The following DAB1 variants were observed in gnomAD, a reference collection of about 807,000 sequenced individuals.
DAB1 encodes disabled homolog 1.
Under a neutral mutation model 64.6 loss-of-function variants are expected in DAB1, and 15 were observed. The ratio of observed to expected loss-of-function variants is 0.23; its 90% CI spans 0.16 to 0.36. The LOEUF is 0.36. Ranked by LOEUF, DAB1 falls within the 10% of genes least tolerant of loss-of-function variation. The pLI is 1.00. For missense variants in DAB1, 596 were observed against 706.7 expected, an observed-to-expected ratio of 0.84 and a Z score of 1.78; for synonymous variants, 235 against 251.9, an observed-to-expected ratio of 0.93 and a Z score of 0.64.
chr1:57,714,301 T>C lies in DAB1; in HGVS notation n.552-64636A>G, dbSNP rs142043978. Among the ~76,000 whole-genome samples the C allele has an allele frequency of 2.6e-5, 4 of 152,226 alleles. No homozygotes were observed. In the East Asian group the frequency reaches 7.7e-4, roughly 29 times the overall value. Reference sequence around the variant, plus strand: ...ATCTTAACCAATGTCACATAGCTAGTAAATGGCAGAGGTGGGATGTGAACC... The same window carrying C: ...ATCTTAACCAATGTCACATAGCTAGCAAATGGCAGAGGTGGGATGTGAACC... On this transcript the variant is annotated intron_variant and non_coding_transcript_variant, in intron 6 of 20. Coordinates refer to the DAB1 transcript ENST00000485760.
chr1:57,049,659 C>T (rs549614407), intron 9 of DAB1, among the ~76,000 whole-genome samples: 1 of 152,052 alleles, frequency 6.6e-6, no homozygotes, highest in East Asian at 1.9e-4. Context: ...TTTTCATCTG[C>T]AATGCCTGCC....
chr1:57,528,697 G>A (rs1253484788), intron 7 of DAB1, among the ~76,000 whole-genome samples: 1 of 150,904 alleles, frequency 6.6e-6, no homozygotes, highest in African/African-American at 2.4e-5. Context: ...ACATAAGTGG[G>A]AAACATAGTA....
At chr1:58,212,174 C>T (rs1658589947) in intron 4 of DAB1, among the ~76,000 whole-genome samples, 2 of 152,300 alleles carry the variant, frequency 1.3e-5, no homozygotes, top group South Asian at 2.1e-4. Flanking sequence ...GAACCAGTTC[C>T]TCCTTCCATG....
intron 5 of DAB1, among the ~76,000 whole-genome samples, chr1:58,133,223 C>A (rs981808380): frequency 6.6e-6 from 1 of 152,080 alleles, no homozygotes; most frequent in Non-Finnish European, 1.5e-5. Context: ...CATCTTATAC[C>A]CCTGCCTAGT....
At chr1:57,270,378 C>T (rs1340616624) in intron 2 of DAB1, among the ~76,000 whole-genome samples, 1 of 152,148 alleles carries the variant, frequency 6.6e-6, no homozygotes, top group African/African-American at 2.4e-5. Context: ...TAAAGTTACT[C>T]CATTAATTAA....
chr1:57,813,191 T>C (rs950016476), intron 6 of DAB1, among the ~76,000 whole-genome samples: 2 of 152,198 alleles, frequency 1.3e-5, no homozygotes, highest in African/African-American at 2.4e-5. Flanking sequence ...GAGAAAAGCA[T>C]TATGTTCAGG....
intron 1 of DAB1, among the ~76,000 whole-genome samples, chr1:57,835,530 G>C (rs1003049148): frequency 6.6e-6 from 1 of 152,174 alleles, no homozygotes; most frequent in Admixed American, 6.5e-5. Flanking sequence ...GGACCAGAGA[G>C]TCCAGGTGAC....
chr1:57,853,043 TA>T (rs1304583876), intron 1 of DAB1, among the ~76,000 whole-genome samples: 3 of 152,130 alleles, frequency 2.0e-5, no homozygotes, highest in South Asian at 2.1e-4. Flanking sequence ...CAAATATAGT[TA>T]AAAATGTATA....
chr1:58,067,798 A>G (rs1482685250), intron 5 of DAB1, among the ~76,000 whole-genome samples: 1 of 152,210 alleles, frequency 6.6e-6, no homozygotes, highest in Non-Finnish European at 1.5e-5. Context: ...CATCTGTACA[A>G]TGAGTGGGGG....
At chr1:57,623,899 G>A (rs751173125) in intron 7 of DAB1, among the ~76,000 whole-genome samples, 6 of 152,148 alleles carry the variant, frequency 3.9e-5, no homozygotes, top group Non-Finnish European at 8.8e-5. Context: ...ATCTGTTGTG[G>A]GGAGTCCATG....
intron 4 of DAB1, among the ~76,000 whole-genome samples, chr1:58,243,115 T>A (rs763575232): frequency 6.6e-6 from 1 of 152,134 alleles, no homozygotes; most frequent in Non-Finnish European, 1.5e-5. Context: ...TGCACTCAGA[T>A]GTAAAACTTC....
At chr1:57,038,218 G>T (rs916210353) in intron 9 of DAB1, among the ~76,000 whole-genome samples, 41 of 152,174 alleles carry the variant, frequency 2.7e-4, no homozygotes, top group African/African-American at 9.4e-4. Flanking sequence ...GTCTGTGGGA[G>T]AATTGATTTT....
chr1:58,407,354 G>A, intron 3 of DAB1, among the ~76,000 whole-genome samples: 1 of 152,176 alleles, frequency 6.6e-6, no homozygotes, highest in Non-Finnish European at 1.5e-5. Context: ...CTTGGTCTGT[G>A]TTGTTTATAG....
intron 1 of DAB1, among the ~76,000 whole-genome samples, chr1:57,404,954 T>G (rs1683515882): frequency 6.6e-6 from 1 of 152,222 alleles, no homozygotes; most frequent in African/African-American, 2.4e-5. Flanking sequence ...AAATAAATAT[T>G]TATGACATTC....
At chr1:58,232,305 G>A (rs956956012) in intron 4 of DAB1, among the ~76,000 whole-genome samples, 2 of 152,190 alleles carry the variant, frequency 1.3e-5, no homozygotes, top group African/African-American at 4.8e-5. Flanking sequence ...CCCATGCCAT[G>A]GAGCTAGAAG....
intron 6 of DAB1, among the ~76,000 whole-genome samples, chr1:57,709,582 T>C (rs1431415644): frequency 6.6e-6 from 1 of 151,958 alleles, no homozygotes; most frequent in Non-Finnish European, 1.5e-5. Context: ...GGAAGTTTAA[T>C]AGGTGAAAGA....
At chr1:57,227,157 A>T (rs1667330034) in intron 2 of DAB1, among the ~76,000 whole-genome samples, 1 of 152,226 alleles carries the variant, frequency 6.6e-6, no homozygotes, top group African/African-American at 2.4e-5. Flanking sequence ...CATGGGTGAC[A>T]GTGATCAAAT....
intron 7 of DAB1, among the ~76,000 whole-genome samples, chr1:57,541,260 C>A (rs970084217): frequency 6.6e-6 from 1 of 151,934 alleles, no homozygotes; most frequent in African/African-American, 2.4e-5. Flanking sequence ...TCCCGAGTAG[C>A]TGGGACTACA....
intron 3 of DAB1, among the ~76,000 whole-genome samples, chr1:58,355,715 G>C (rs1644104392): frequency 6.6e-6 from 1 of 152,152 alleles, no homozygotes; most frequent in Admixed American, 6.5e-5. Flanking sequence ...GGTACAGGTA[G>C]AAATCGTATG....
Sources: allele counts gnomAD v4.1 joint callset (sites outside exome capture counted in the v4.1 genomes callset), GRCh38; gene constraint gnomAD v4.1.1; transcripts MANE v1.5; gene names NCBI Gene and HGNC (gene_info 2026-07-23, HGNC 2026-07-21).